Variants in LSM4 observed in about 807,000 individuals in gnomAD.
LSM4 encodes U6 snRNA-associated Sm-like protein LSm4.
Under a neutral mutation model 22.3 loss-of-function variants are expected in LSM4, and 15 were observed. The ratio of observed to expected loss-of-function variants is 0.67; its 90% CI spans 0.45 to 1.03. The LOEUF (loss-of-function observed/expected upper bound fraction) is 1.03. LSM4 is among the 50% of genes least tolerant of loss of function. The probability of loss-of-function intolerance (pLI) is 0.00; values close to 1 mark genes in which losing one functional copy is unlikely to be tolerated. For missense variants in LSM4, 127 were observed against 198.0 expected (o/e 0.64, Z 2.15); for synonymous variants, 90 against 79.8 (o/e 1.13, Z -0.68).
In LSM4 at chr19:18,309,789, C is replaced by T. The variant is rs780420380; in HGVS notation, c.217G>A (p.Asp73Asn). The T allele has an allele frequency of 5.6e-6, 9 of 1,613,938 alleles. No homozygotes were observed. The highest frequency in any genetic ancestry group is 2.2e-5 in the East Asian group (1 of 44,872). The change falls in exon 4 of 5, where the codon GAC becomes AAC. Residue 73 changes from aspartate to asparagine, a missense_variant. Physicochemically the swap from Asp to Asn is conservative, Grantham distance 23. Coordinates refer to ENST00000593829, the MANE Select transcript of LSM4 (RefSeq NM_012321.5). The stretch of plus-strand genomic sequence containing the variant: ...TCCTTGACCATGTCGATGATCTCGT[C>T]GGGGATGCGCAGGTACTTGATGGTG... ...GSTIKYLRIP[D>N]EIIDMVKEEV...
At chr19:18,308,908 A>T (rs1970264307) in intron 4 of LSM4, among the ~76,000 whole-genome samples, 1 of 152,118 alleles carries the variant, frequency 6.6e-6, no homozygotes, top group South Asian at 2.1e-4. Flanking sequence ...CTTCCTGCAG[A>T]GCAGCCAGAG....
At chr19:18,309,643 G>T (rs772525038) in intron 4 of LSM4, 35 bp downstream of exon 4, 1 of 1,543,530 alleles carries the variant, frequency 6.5e-7, no homozygotes, top group African/African-American at 1.4e-5. Flanking sequence ...CTGTCTTCCC[G>T]CCCCAGGTAC....
Position 18,312,667 on chromosome 19 carries a change from T to C in LSM4, c.81A>G (p.Gly27=), listed in dbSNP as rs1019173203. ...VELKNGETYN[G]HLVSCDNWMN... ...TCCAGTTGTCGCAGCTCACCAGGTGTCCATTGTACGTCTCCCCATTTTTCA... is the reference window on the plus strand; with the variant it reads ...TCCAGTTGTCGCAGCTCACCAGGTGCCCATTGTACGTCTCCCCATTTTTCA... The change falls in exon 3 of 5, where the codon GGA becomes GGG. Residue 27 remains glycine (G), a synonymous_variant. Coordinates refer to ENST00000593829, the MANE Select transcript of LSM4 (RefSeq NM_012321.5). The C allele has an allele frequency of 6.2e-7, 1 of 1,613,888 alleles. No homozygotes were observed. The highest frequency in any genetic ancestry group is 8.5e-7 in the Non-Finnish European group (1 of 1,179,860).
chr19:18,306,488 A>G lies in LSM4; in HGVS notation c.*976T>C, dbSNP rs1340285668. 1 of 152,186 alleles carries G rather than the reference A, an allele frequency of 6.6e-6. No homozygotes were observed. Among genetic ancestry groups the G allele is most frequent in the Non-Finnish European group, 1.5e-5 (1 of 68,050 alleles). 9.4% of individuals were successfully genotyped at this position (152,186 alleles called of 1,614,324 possible). On this transcript the variant is annotated 3_prime_UTR_variant, in exon 5 of 5. Transcript: ENST00000593829. ...GGCAGGAGCCTCGTGAGAATCTTCC[A>G]TGAGCATCTTCCGAGGGGATTCCTG...
chr19:18,309,427 G>A, intron 4 of LSM4: 1 of 533,854 alleles, frequency 1.9e-6, no homozygotes. Flanking sequence ...CTCTCAGAGG[G>A]GAAACTGAGG....
intron 2 of LSM4, among the ~76,000 whole-genome samples, chr19:18,314,250 C>T (rs982247474): frequency 4.6e-5 from 7 of 151,722 alleles, no homozygotes; most frequent in Non-Finnish European, 7.4e-5. Context: ...AAATGTAGGC[C>T]GGGCGTGAGC....
At position 18,323,029 on chromosome 19, in the gene LSM4, CG is replaced by C; in HGVS notation, c.-10del. ...TGCCCTGCCCTCACCATGGTGCCGG[CG>C]GGGACCGGGCTCGCCGGCCACTTCC... On this transcript the variant is annotated 5_prime_UTR_variant, in exon 1 of 5. Transcript: ENST00000593829. 1 of 1,556,424 alleles carries C rather than the reference CG, an allele frequency of 6.4e-7. No homozygotes were observed. The highest frequency in any genetic ancestry group is 1.2e-5 in the South Asian group (1 of 85,762).
chr19:18,322,404 C>A (rs1970434291), intron 1 of LSM4, among the ~76,000 whole-genome samples: 1 of 152,084 alleles, frequency 6.6e-6, no homozygotes, highest in Non-Finnish European at 1.5e-5. Context: ...CGCAATTTTT[C>A]CTTCTTTGTA....
intron 4 of LSM4, chr19:18,309,434 G>T (rs1054424884): frequency 1.9e-6 from 1 of 535,122 alleles, no homozygotes; most frequent in Non-Finnish European, 3.3e-6. Context: ...AGGGGAAACT[G>T]AGGCTTGGGG....
intron 1 of LSM4, among the ~76,000 whole-genome samples, chr19:18,317,023 G>A (rs1970364067): frequency 6.6e-6 from 1 of 152,048 alleles, no homozygotes; most frequent in Non-Finnish European, 1.5e-5. Flanking sequence ...GGGTGCTGAG[G>A]CAGGAGGATT....
chr19:18,312,311 G>C, intron 3 of LSM4: 1 of 364,502 alleles, frequency 2.7e-6, no homozygotes, highest in African/African-American at 2.1e-5. Context: ...CCCCTGGAGG[G>C]GGCTGCCCCA....
chr19:18,319,445 C>G (rs923519757), intron 1 of LSM4, among the ~76,000 whole-genome samples: 1 of 151,810 alleles, frequency 6.6e-6, no homozygotes, highest in East Asian at 1.9e-4. Flanking sequence ...ACCTGTAGTC[C>G]CAGCTACTTG....
At chr19:18,308,519 T>C (rs1970258836) in intron 4 of LSM4, among the ~76,000 whole-genome samples, 1 of 152,204 alleles carries the variant, frequency 6.6e-6, no homozygotes, top group African/African-American at 2.4e-5. Flanking sequence ...CTGTGGCCCA[T>C]GTGCTGGGTG....
In LSM4 at chr19:18,307,411, G is replaced by A. The variant is rs959888387; in HGVS notation, c.*53C>T. The stretch of plus-strand genomic sequence containing the variant: ...GAGCAGATCCGTCCGAGACTGTGGA[G>A]CGGAATCGCCACCCTGGCAGGAGGG... On this transcript the variant is annotated 3_prime_UTR_variant, in exon 5 of 5. Coordinates refer to ENST00000593829, the MANE Select transcript of LSM4 (RefSeq NM_012321.5). 1.5e-5 allele frequency: 21 copies of A among 1,412,362 alleles called. No individual in the cohort carries two copies. Among genetic ancestry groups the A allele is most frequent in the Non-Finnish European group, 1.8e-5 (19 of 1,065,612 alleles). 87.5% of individuals were successfully genotyped at this position (1,412,362 alleles called of 1,614,324 possible).
intron 1 of LSM4, among the ~76,000 whole-genome samples, chr19:18,317,194 G>C (rs1270845376): frequency 6.6e-6 from 1 of 150,552 alleles, no homozygotes; most frequent in East Asian, 2.0e-4. Context: ...GCTAATTTTT[G>C]TACTTTTAGT....
chr19:18,318,083 T>TCACCTAGCCCTGTCCTGGTGACTG (rs1970379231), intron 1 of LSM4, among the ~76,000 whole-genome samples: 1 of 152,270 alleles, frequency 6.6e-6, no homozygotes, highest in Admixed American at 6.5e-5. Context: ...GACACAGGCT[T>TCACCTAGCCCTGTCCTGGTGACTG]CACCTAGCCC....
Position 18,307,499 on chromosome 19 carries a change from C to A in LSM4, c.385G>T (p.Glu129Ter). Reference sequence around the variant, plus strand: ...CCCGCCTGTCTGCCAGGCTTCTTCTCTGGCTGGCCTCTGCCTGTGCCCGGG... The same window carrying A: ...CCCGCCTGTCTGCCAGGCTTCTTCTATGGCTGGCCTCTGCCTGTGCCCGGG... ...GIPGTGRGQP[E>*]KKPGRQAGKQ The change falls in exon 5 of 5, where the codon GAG becomes TAG. Residue 129 changes from glutamate (E) to a stop codon, truncating the protein, a stop_gained. Coordinates refer to ENST00000593829, the MANE Select transcript of LSM4 (RefSeq NM_012321.5). LOFTEE classifies it high-confidence loss of function. 1 of 1,556,472 alleles carries A rather than the reference C, an allele frequency of 6.4e-7. No individual in the cohort carries two copies. Among genetic ancestry groups the A allele is most frequent in the East Asian group, 2.4e-5 (1 of 41,032 alleles).
intron 1 of LSM4, 23 bp downstream of exon 1, chr19:18,322,994 AC>A: frequency 6.3e-7 from 1 of 1,590,676 alleles, no homozygotes; most frequent in South Asian, 1.1e-5. Flanking sequence ...TCCCGGTGAG[AC>A]CCCGCAGTTG....
intron 2 of LSM4, among the ~76,000 whole-genome samples, chr19:18,314,752 C>G (rs1163758297): frequency 2.6e-5 from 4 of 152,080 alleles, no homozygotes; most frequent in Non-Finnish European, 5.9e-5. Context: ...TGGGAAGTGA[C>G]TGCTGATGGA....
Sources: allele counts gnomAD v4.1 joint callset (sites outside exome capture counted in the v4.1 genomes callset), GRCh38; gene constraint gnomAD v4.1.1; transcripts MANE v1.5; gene names NCBI Gene and HGNC (gene_info 2026-07-23, HGNC 2026-07-21).